Variants in GPAT3 observed in about 807,000 individuals in gnomAD.
The protein encoded by GPAT3 is glycerol-3-phosphate acyltransferase 3.
Under a neutral mutation model 58.8 loss-of-function variants are expected in GPAT3, and 53 were observed. The observed-to-expected ratio is 0.90, with a 90% CI of 0.72 to 1.13. GPAT3 has a LOEUF of 1.13. Ranked by LOEUF, GPAT3 falls within the 50% of genes most tolerant of loss-of-function variation. The probability of loss-of-function intolerance (pLI) is 0.00; values close to 1 mark genes in which losing one functional copy is unlikely to be tolerated. For missense variants in GPAT3, 511 were observed against 527.6 expected, an observed-to-expected ratio of 0.97 and a Z score of 0.31; for synonymous variants, 197 against 187.4, an observed-to-expected ratio of 1.05 and a Z score of -0.42.
At chr4:83,581,519 C>G (rs769591528) in intron 2 of GPAT3, 43 bp from the exon 3 acceptor site, 1 of 1,575,862 alleles carries the variant, frequency 6.3e-7, no homozygotes, top group African/African-American at 1.4e-5. Flanking sequence ...GTCAATTCTT[C>G]TGTCGTATGG....
rs965002452 is a variant in GPAT3, at chr4:83,590,182, A to G, written c.645-17A>G. The G allele has an allele frequency of 1.1e-5, 18 of 1,606,592 alleles. No individual in the cohort carries two copies. Among genetic ancestry groups the G allele is most frequent in the Non-Finnish European group, 1.5e-5 (18 of 1,175,882 alleles). Reference sequence around the variant, plus strand: ...TATTTTAGAAGACTTCGAATTTTCCATTGTTTGTAATTGCAGGCAGTACAG... The same window carrying G: ...TATTTTAGAAGACTTCGAATTTTCCGTTGTTTGTAATTGCAGGCAGTACAG... On this transcript the variant is annotated splice_polypyrimidine_tract_variant and intron_variant, in intron 5 of 11. Coordinates refer to ENST00000264409, the MANE Select transcript of GPAT3 (RefSeq NM_032717.5).
chr4:83,585,311 GTTA>G (rs1468333491), intron 3 of GPAT3, among the ~76,000 whole-genome samples: 1 of 149,648 alleles, frequency 6.7e-6, no homozygotes, highest in Non-Finnish European at 1.5e-5. Context: ...AATATATCAT[GTTA>G]TTAAGTTATA....
chr4:83,580,612 C>G (rs1460492371), intron 2 of GPAT3, among the ~76,000 whole-genome samples: 1 of 152,108 alleles, frequency 6.6e-6, no homozygotes, highest in Non-Finnish European at 1.5e-5. Context: ...ATGAGAGTAC[C>G]TGTGTCATTT....
At chr4:83,562,238 T>TATATATA (rs1725201047) in intron 2 of GPAT3, among the ~76,000 whole-genome samples, 2 of 117,812 alleles carry the variant, frequency 1.7e-5, no homozygotes, top group African/African-American at 8.8e-5. Context: ...ATATATATAA[T>TATATATA]ATATATATAT....
chr4:83,547,610 CCCTT>C (rs1204864391), intron 2 of GPAT3, among the ~76,000 whole-genome samples: 5 of 151,966 alleles, frequency 3.3e-5, no homozygotes, highest in African/African-American at 1.2e-4. Context: ...TTTCAAGTCT[CCCTT>C]CCCAGTTAAA....
rs147620205 is a variant in GPAT3 at position 83,571,684 on chromosome 4, G to GTA, written c.209-9865_209-9864dup. On this transcript the variant is annotated intron_variant, in intron 2 of 11. Transcript: ENST00000264409. ...TTTTCCCCCACTCATATATATATGT[G>GTA]TATATATATATATACACACACACAT... is the stretch of plus-strand genomic sequence containing the variant. Among the ~76,000 whole-genome samples, 1,171 of 147,736 alleles carry GTA rather than the reference G, an allele frequency of 7.9e-3. 11 individuals are homozygous for GTA. Among genetic ancestry groups the GTA allele is most frequent in the African/African-American group, 0.027 (1,072 of 39,968 alleles).
At chr4:83,590,087 G>GAA in intron 5 of GPAT3, 112 bp from the exon 6 acceptor site, 10 of 894,176 alleles carry the variant, frequency 1.1e-5, no homozygotes, top group South Asian at 3.8e-5. Flanking sequence ...AGTGAGACGC[G>GAA]AAAAAAAAAA....
chr4:83,558,728 C>A (rs766820598), intron 2 of GPAT3, among the ~76,000 whole-genome samples: 3 of 152,014 alleles, frequency 2.0e-5, no homozygotes, highest in Non-Finnish European at 4.4e-5. Context: ...GTTCTGGAGG[C>A]CCTAAAAACA....
At chr4:83,595,725 A>AT (rs1726798550) in intron 7 of GPAT3, among the ~76,000 whole-genome samples, 1 of 151,884 alleles carries the variant, frequency 6.6e-6, no homozygotes, top group Non-Finnish European at 1.5e-5. Context: ...AAAAAAAAAA[A>AT]GAAGATCCAG....
intron 3 of GPAT3, among the ~76,000 whole-genome samples, chr4:83,582,123 A>AGAAGAAGAGGAAGAG (rs1726162637): frequency 6.6e-6 from 1 of 151,658 alleles, no homozygotes; most frequent in Non-Finnish European, 1.5e-5. Flanking sequence ...GAAGTGAAGA[A>AGAAGAAGAGGAAGAG]GAAGAAGAGG....
Position 83,544,555 on chromosome 4 carries a change from A to T in GPAT3, c.161A>T (p.Glu54Val). The change falls in exon 2 of 12, where the codon GAA becomes GTA. Residue 54 changes from glutamate (E) to valine (V), a missense_variant. Physicochemically the swap from Glu to Val is moderately radical, Grantham distance 121. Coordinates refer to ENST00000264409, the MANE Select transcript of GPAT3 (RefSeq NM_032717.5). ...KTLEWATIRI[E>V]KGTPKESILK... The stretch of plus-strand genomic sequence containing the variant: ...GAACAGTGGGCCACAATACGAATTG[A>T]AAAAGGAACCCCAAAGGAGTCGATT... 1 of 1,613,458 alleles carries T rather than the reference A, an allele frequency of 6.2e-7. No homozygotes were observed. Among genetic ancestry groups the T allele is most frequent in the Non-Finnish European group, 8.5e-7 (1 of 1,179,528 alleles).
intron 6 of GPAT3, among the ~76,000 whole-genome samples, chr4:83,593,674 A>G (rs1387832839): frequency 1.3e-5 from 2 of 152,178 alleles, no homozygotes; most frequent in African/African-American, 4.8e-5. Flanking sequence ...TACTACAAAA[A>G]AAAAGGTAGT....
chr4:83,604,948 T>G lies in GPAT3; in HGVS notation c.*181T>G. ...GTGCCCTTTTTGGCTTTTGTTGTTG[T>G]TGTAACATTAGCCCCATGGATTGTA... is the stretch of plus-strand genomic sequence containing the variant. On this transcript the variant is annotated 3_prime_UTR_variant, in exon 12 of 12. Coordinates refer to ENST00000264409, the MANE Select transcript of GPAT3 (RefSeq NM_032717.5). 1.8e-6 allele frequency: 1 copy of G among 558,700 alleles called. No individual in the cohort carries two copies. The allele number at this position is 558,700 out of a possible 1,614,324, so 34.6% of individuals were successfully genotyped here.
At chr4:83,562,299 A>G (rs1207153133) in intron 2 of GPAT3, among the ~76,000 whole-genome samples, 1 of 146,764 alleles carries the variant, frequency 6.8e-6, no homozygotes, top group Admixed American at 6.9e-5. Flanking sequence ...TTGGGCATGG[A>G]TGGACTTGAG....
intron 6 of GPAT3, 115 bp downstream of exon 6, chr4:83,590,407 A>G: frequency 1.1e-6 from 1 of 877,412 alleles, no homozygotes; most frequent in East Asian, 2.6e-5. Flanking sequence ...ACTGCGTTAT[A>G]CTATTGTAGC....
chr4:83,535,629 AG>A, upstream of GPAT3: 1 of 841,596 alleles, frequency 1.2e-6, no homozygotes, highest in Non-Finnish European at 1.4e-6. Flanking sequence ...ACTTAGCCGC[AG>A]GGTTTCTGTG....
At chr4:83,539,723 G>A (rs1724225152) in intron 1 of GPAT3, among the ~76,000 whole-genome samples, 1 of 152,224 alleles carries the variant, frequency 6.6e-6, no homozygotes, top group East Asian at 1.9e-4. Context: ...TTGAGGATAA[G>A]CCTTGAATAC....
In GPAT3 at chr4:83,605,404, C is replaced by T. The variant is rs1041907818; in HGVS notation, c.*637C>T. ...TGTGCGCATTTATATGTAGGCAGCT[C>T]GTAGACCACATTTTAACCAGCAACT... On this transcript the variant is annotated 3_prime_UTR_variant, in exon 12 of 12. Coordinates refer to ENST00000264409, the MANE Select transcript of GPAT3 (RefSeq NM_032717.5). The T allele has an allele frequency of 4.6e-5, 7 of 152,020 alleles. No homozygotes were observed. Among genetic ancestry groups the T allele is most frequent in the African/African-American group, 1.4e-4 (6 of 41,410 alleles). The allele number at this position is 152,020 out of a possible 1,614,324, so 9.4% of individuals were successfully genotyped here.
chr4:83,536,824 C>G (rs1724114199), intron 1 of GPAT3, 61 bp downstream of exon 1: 3 of 1,512,428 alleles, frequency 2.0e-6, no homozygotes, highest in Non-Finnish European at 2.7e-6. Flanking sequence ...CCCGGGGGTC[C>G]AGTTCTCAAG....
Sources: gnomAD v4.1 joint callset for allele counts (sites outside exome capture counted in the v4.1 genomes callset) on GRCh38, gnomAD v4.1.1 for gene constraint, MANE v1.5 for transcripts, NCBI Gene and HGNC (gene_info 2026-07-23, HGNC 2026-07-21) for gene names.